EMB: variants seen among roughly 807,000 people sequenced by gnomAD.
EMB encodes the protein embigin, also known as embigin homolog.
A neutral mutation model predicts 41.4 loss-of-function variants in EMB; 31 were observed. That is an observed-to-expected ratio of 0.75 (90% CI 0.56 to 1.01). The LOEUF (loss-of-function observed/expected upper bound fraction) is 1.01, where lower values mean the gene tolerates loss of function less well. Among genes scored for constraint, EMB ranks in the 50% least tolerant of loss-of-function variants. EMB has a pLI of 0.00. For synonymous variants in EMB, 137 were observed against 140.4 expected, an observed-to-expected ratio of 0.98 and a Z score of 0.17; for missense variants, 379 against 388.3, an observed-to-expected ratio of 0.98 and a Z score of 0.20.
intron 4 of EMB, among the ~76,000 whole-genome samples, chr5:50,408,935 C>T (rs1357340760): frequency 1.3e-5 from 2 of 151,814 alleles, no homozygotes; most frequent in African/African-American, 2.4e-5. Context: ...TAAAAGGACC[C>T]AACTTATTAA....
intron 8 of EMB, among the ~76,000 whole-genome samples, chr5:50,399,621 T>C (rs1745127119): frequency 6.6e-6 from 1 of 152,024 alleles, no homozygotes; most frequent in South Asian, 2.1e-4. Flanking sequence ...ATAAAATATG[T>C]AGCCAGTGCA....
chr5:50,399,849 A>C lies in EMB; in HGVS notation c.966+10T>G. On this transcript the variant is annotated intron_variant, in intron 8 of 8. Coordinates refer to ENST00000303221, the MANE Select transcript of EMB (RefSeq NM_198449.3). ...CCTTTTATTTGGAATATCATTCAGA[A>C]GTAACTTACATTTTTTCTATGCCTG... 6.3e-7 allele frequency: 1 copy of C among 1,590,600 alleles called. No individual in the cohort carries two copies.
At chr5:50,440,041 C>A (rs1745871631) in intron 1 of EMB, among the ~76,000 whole-genome samples, 1 of 152,142 alleles carries the variant, frequency 6.6e-6, no homozygotes, top group Non-Finnish European at 1.5e-5. Context: ...TAATGTTTTG[C>A]ACGTAATCCC....
rs1424464414 is a variant in EMB at position 50,407,908 on chromosome 5, T to C, written c.473-2056A>G. On this transcript the variant is annotated intron_variant, in intron 4 of 8. Transcript: ENST00000303221. ...GTAACAGCTCTCTGGAGTTGTAAAA[T>C]TGGAGACTATATTTGTATATTCATG... Among the ~76,000 whole-genome samples the C allele has an allele frequency of 2.0e-5, 3 of 151,926 alleles. No individual in the cohort carries two copies. The East Asian group carries it at 5.8e-4, about 29-fold the overall frequency.
intron 2 of EMB, among the ~76,000 whole-genome samples, chr5:50,421,422 T>C (rs1026250488): frequency 3.9e-5 from 6 of 151,980 alleles, no homozygotes; most frequent in Admixed American, 2.6e-4. Context: ...TGTGGAGAAA[T>C]AGGAACACTT....
At position 50,403,322 on chromosome 5, in the gene EMB, C is replaced by T; in HGVS notation, c.733G>A (p.Glu245Lys). 4.3e-6 allele frequency: 7 copies of T among 1,612,794 alleles called. No individual in the cohort carries two copies. Among genetic ancestry groups the T allele is most frequent in the East Asian group, 4.5e-5 (2 of 44,834 alleles). The stretch of plus-strand genomic sequence containing the variant: ...ACAAGCTCAATGTGTTCTTCACTCT[C>T]GCCTAATTGGAATAGTGCACGGCAC... ...YWCRALFQLG[E>K]SEEHIELVVL... Residue 245 changes from glutamate (E) to lysine (K), a missense_variant, in exon 6 of 9, where the codon GAG becomes AAG. Glu to Lys is a moderately conservative substitution (Grantham distance 56, BLOSUM62 1). Coordinates refer to ENST00000303221, the MANE Select transcript of EMB (RefSeq NM_198449.3).
chr5:50,437,523 T>G (rs972198342), intron 1 of EMB, among the ~76,000 whole-genome samples: 4 of 152,192 alleles, frequency 2.6e-5, no homozygotes, highest in African/African-American at 9.6e-5. Context: ...TGGGTACTCA[T>G]GAATTCCCAT....
At chr5:50,431,106 C>T (rs748402311) in intron 1 of EMB, among the ~76,000 whole-genome samples, 2 of 152,208 alleles carry the variant, frequency 1.3e-5, no homozygotes, top group African/African-American at 2.4e-5. Context: ...ACCTTAACTT[C>T]ATATTCCCTT....
chr5:50,413,422 G>A (rs1745376603), intron 2 of EMB, among the ~76,000 whole-genome samples: 1 of 152,062 alleles, frequency 6.6e-6, no homozygotes, highest in South Asian at 2.1e-4. Context: ...GCTGGAGGAG[G>A]TTCTTGAAAC....
intron 5 of EMB, among the ~76,000 whole-genome samples, chr5:50,404,769 A>G (rs1745221988): frequency 6.6e-6 from 1 of 151,952 alleles, no homozygotes; most frequent in Non-Finnish European, 1.5e-5. Flanking sequence ...GACATAAAGG[A>G]GTAGGAATGG....
At chr5:50,420,391 C>T (rs2111823684) in intron 2 of EMB, among the ~76,000 whole-genome samples, 1 of 152,298 alleles carries the variant, frequency 6.6e-6, no homozygotes, top group South Asian at 2.1e-4. Context: ...GTTTATGTCT[C>T]ATGGTATCAA....
intron 2 of EMB, among the ~76,000 whole-genome samples, chr5:50,419,729 C>T (rs765304044): frequency 6.6e-6 from 1 of 152,076 alleles, no homozygotes; most frequent in Non-Finnish European, 1.5e-5. Context: ...CACATGCACA[C>T]GTATGTTCAT....
At chr5:50,420,118 C>T (rs920806384) in intron 2 of EMB, among the ~76,000 whole-genome samples, 2 of 152,098 alleles carry the variant, frequency 1.3e-5, no homozygotes, top group African/African-American at 4.8e-5. Flanking sequence ...TGCAGCAAAC[C>T]ACCATGGCAC....
rs866813882 is a variant in EMB, at chr5:50,428,174, A to C, written c.166T>G (p.Ser56Ala). 6.2e-7 allele frequency: 1 copy of C among 1,611,946 alleles called. No homozygotes were observed. The highest frequency in any genetic ancestry group is 8.5e-7 in the Non-Finnish European group (1 of 1,178,278). The change falls in exon 2 of 9, where the codon TCC becomes GCC. Residue 56 changes from serine to alanine, a missense_variant. Ser to Ala is a moderately conservative substitution (Grantham distance 99). Transcript: ENST00000303221. ...AGTGATATGTTATGACTCTCCAAGG[A>C]AAAGTTATTTGCCATTATTTCTTCT... ...LREEIMANNF[S>A]LESHNISLTE... is the part of the protein sequence containing the mutation.
chr5:50,422,851 G>A lies in EMB; in HGVS notation c.196+5293C>T, dbSNP rs1470274612. On this transcript the variant is annotated intron_variant, in intron 2 of 8. Transcript: ENST00000303221. ...CCTAGTACGTGGGTCAGGGAAAGGG[G>A]CCAACTGTCAAGATGTTTTGAAGGC... is the stretch of plus-strand genomic sequence containing the variant. Among the ~76,000 whole-genome samples the A allele has an allele frequency of 2.6e-5, 4 of 152,184 alleles. No individual in the cohort carries two copies. The South Asian group carries it at 6.2e-4, about 24-fold the overall frequency.
chr5:50,430,183 C>T (rs980150036), intron 1 of EMB, among the ~76,000 whole-genome samples: 1 of 152,138 alleles, frequency 6.6e-6, no homozygotes, highest in South Asian at 2.1e-4. Context: ...CACTTATGGA[C>T]AGGAAGCCAG....
Position 50,397,093 on chromosome 5 carries a change from A to C in EMB, c.*2180T>G. On this transcript the variant is annotated 3_prime_UTR_variant, in exon 9 of 9. Coordinates refer to ENST00000303221, the MANE Select transcript of EMB (RefSeq NM_198449.3). The stretch of plus-strand genomic sequence containing the variant: ...AAAATCCTTGTTAGCTGGAAAGACT[A>C]AGAGAATTCCCCAAGGTGCCTAATA... 6.6e-6 allele frequency: 1 copy of C among 152,126 alleles called. No individual in the cohort carries two copies. The highest frequency in any genetic ancestry group is 1.5e-5 in the Non-Finnish European group (1 of 68,014). 9.4% of individuals were successfully genotyped at this position (152,126 alleles called of 1,614,324 possible).
chr5:50,437,222 G>A (rs1284161690), intron 1 of EMB, among the ~76,000 whole-genome samples: 1 of 152,204 alleles, frequency 6.6e-6, no homozygotes, highest in Non-Finnish European at 1.5e-5. Context: ...CCTGAGCCAT[G>A]AGTGTGCCTC....
At chr5:50,435,063 A>G (rs1034611608) in intron 1 of EMB, among the ~76,000 whole-genome samples, 1 of 152,232 alleles carries the variant, frequency 6.6e-6, no homozygotes, top group African/African-American at 2.4e-5. Flanking sequence ...GAACATTAAC[A>G]GATTTCTCAA....
Sources: allele counts gnomAD v4.1 joint callset (sites outside exome capture counted in the v4.1 genomes callset), GRCh38; gene constraint gnomAD v4.1.1; transcripts MANE v1.5; gene names NCBI Gene and HGNC (gene_info 2026-07-23, HGNC 2026-07-21).